The following GPR148 variants were observed in gnomAD, a reference collection of about 807,000 sequenced individuals.
GPR148 encodes G protein-coupled receptor 148.
For synonymous variants in GPR148, 173 were observed against 187.9 expected, an observed-to-expected ratio of 0.92 and a Z score of 0.65; for missense variants, 424 against 435.3, an observed-to-expected ratio of 0.97 and a Z score of 0.23.
rs1558956210 is a variant in GPR148, at chr2:130,729,531, C to G, written c.380C>G (p.Ala127Gly). Residue 127 changes from alanine to glycine, a missense_variant, in exon 1 of 1, where the codon GCT (alanine) becomes GGT (glycine). Physicochemically the swap from Ala to Gly is moderately conservative, Grantham distance 60 (BLOSUM62 0). Coordinates refer to ENST00000309926, the MANE Select transcript of GPR148 (RefSeq NM_207364.2). ...GRMACGILTD[A>G]VFAACTSTIL... ...ATGGCCTGTGGCATTCTCACTGATG[C>G]TGTCTTCGCCGCCTGCACCAGCACC... is the stretch of plus-strand genomic sequence containing the variant. The G allele has an allele frequency of 6.2e-7, 1 of 1,614,076 alleles. No homozygotes were observed. The highest frequency in any genetic ancestry group is 1.3e-5 in the African/African-American group (1 of 74,962).
At position 130,729,499 on chromosome 2, in the gene GPR148, G is replaced by C; in HGVS notation, c.348G>C (p.Leu116=). The part of the protein sequence containing the change: ...ISSSSLGGWE[L]GRMACGILTD... ...CCAGCAGCCTGGGTGGCTGGGAGCTGGGCCGCATGGCCTGTGGCATTCTCA... is the reference window on the plus strand; with the variant it reads ...CCAGCAGCCTGGGTGGCTGGGAGCTCGGCCGCATGGCCTGTGGCATTCTCA... The change falls in exon 1 of 1, where the codon CTG becomes CTC. Residue 116 remains leucine (L), a synonymous_variant. Transcript: ENST00000309926. 1 of 1,614,218 alleles carries C rather than the reference G, an allele frequency of 6.2e-7. No individual in the cohort carries two copies. Among genetic ancestry groups the C allele is most frequent in the Non-Finnish European group, 8.5e-7 (1 of 1,180,016 alleles).
Position 130,729,512 on chromosome 2 carries a change from T to C in GPR148, c.361T>C (p.Cys121Arg), listed in dbSNP as rs769125234. ...TGGCTGGGAGCTGGGCCGCATGGCC[T>C]GTGGCATTCTCACTGATGCTGTCTT... ...LGGWELGRMA[C>R]GILTDAVFAA... Residue 121 changes from cysteine to arginine, a missense_variant, in exon 1 of 1, where the codon TGT becomes CGT. Coordinates refer to ENST00000309926, the MANE Select transcript of GPR148 (RefSeq NM_207364.2). The C allele has an allele frequency of 1.9e-5, 31 of 1,614,212 alleles. No homozygotes were observed. In the East Asian group the frequency reaches 6.5e-4, roughly 34 times the overall value.
Position 130,729,726 on chromosome 2 carries a change from C to A in GPR148, c.575C>A (p.Ala192Asp). The A allele has an allele frequency of 6.2e-7, 1 of 1,614,240 alleles. No individual in the cohort carries two copies. The highest frequency in any genetic ancestry group is 1.3e-5 in the African/African-American group (1 of 75,068). Residue 192 changes from alanine (A) to aspartate (D), a missense_variant, in exon 1 of 1, where the codon GCC (alanine) becomes GAC (aspartate). By Grantham distance (126) the Ala-to-Asp change is moderately radical. Transcript: ENST00000309926. ...FLIWLSKWQD[A>D]QLEEQGASYI... ...ATTTGGCTCAGCAAGTGGCAGGATG[C>A]CCAGCTGGAGGAGCAAGGAGCTTCA... is the stretch of plus-strand genomic sequence containing the variant.
At position 130,730,169 on chromosome 2, in the gene GPR148, C is replaced by T. The variant is rs1459512579; in HGVS notation, c.1018C>T (p.His340Tyr). 6.2e-7 allele frequency: 1 copy of T among 1,612,860 alleles called. No homozygotes were observed. Residue 340 changes from histidine to tyrosine, a missense_variant, in exon 1 of 1, where the codon CAC (histidine) becomes TAC (tyrosine). Physicochemically the swap from His to Tyr is moderately conservative, Grantham distance 83 (BLOSUM62 2). Coordinates refer to ENST00000309926, the MANE Select transcript of GPR148 (RefSeq NM_207364.2). ...CCGGGGCCACCTCCCATCCAGGAGG[C>T]ACCAGGCCATCTTTACCATTTCCTA... ...MVRGHLPSRR[H>Y]QAIFTIS is the part of the protein sequence containing the mutation.
Position 130,729,681 on chromosome 2 carries a change from G to A in GPR148, c.530G>A (p.Cys177Tyr). The change falls in exon 1 of 1, where the codon TGC (cysteine) becomes TAC (tyrosine). Residue 177 changes from cysteine (C) to tyrosine (Y), a missense_variant. Coordinates refer to ENST00000309926, the MANE Select transcript of GPR148 (RefSeq NM_207364.2). ...GTGGCCCTCATCTGGCTGGTGGCCT[G>A]CTGCTTCCCCACATTCCTTATTTGG... Reference protein sequence around the residue: ...KAVALIWLVACCFPTFLIWLS... With the variant: ...KAVALIWLVAYCFPTFLIWLS... The A allele has an allele frequency of 6.2e-7, 1 of 1,614,266 alleles. No individual in the cohort carries two copies. Among genetic ancestry groups the A allele is most frequent in the Non-Finnish European group, 8.5e-7 (1 of 1,180,048 alleles).
chr2:130,729,748 T>C lies in GPR148; in HGVS notation c.597T>C (p.Ala199=), dbSNP rs751744051. 1.2e-6 allele frequency: 2 copies of C among 1,614,244 alleles called. No individual in the cohort carries two copies. The highest frequency in any genetic ancestry group is 1.7e-5 in the Admixed American group (1 of 60,028). Residue 199 remains alanine (A), a synonymous_variant, in exon 1 of 1, where the codon GCT becomes GCC. Transcript: ENST00000309926. ...ATGCCCAGCTGGAGGAGCAAGGAGC[T>C]TCATACATCCTACCACCAAGCATGG... ...WQDAQLEEQG[A]SYILPPSMGT...
Position 130,730,121 on chromosome 2 carries a change from T to A in GPR148, c.970T>A (p.Tyr324Asn). Residue 324 changes from tyrosine to asparagine, a missense_variant, in exon 1 of 1, where the codon TAC becomes AAC. Physicochemically the swap from Tyr to Asn is moderately radical, Grantham distance 143. Transcript: ENST00000309926. ...AMLTYLYLLR[Y>N]RQLLGMVRGH... The stretch of plus-strand genomic sequence containing the variant: ...GCTCACATACCTGTACCTGCTCCGC[T>A]ACCGGCAGCTGTTGGGCATGGTCCG... 1 of 1,613,538 alleles carries A rather than the reference T, an allele frequency of 6.2e-7. No individual in the cohort carries two copies. The highest frequency in any genetic ancestry group is 1.1e-5 in the South Asian group (1 of 90,928).
Position 130,730,265 on chromosome 2 carries a change from T to C in GPR148, c.*70T>C, listed in dbSNP as rs1688459893. 3.9e-6 allele frequency: 5 copies of C among 1,274,770 alleles called. No individual in the cohort carries two copies. The highest frequency in any genetic ancestry group is 2.5e-5 in the East Asian group (1 of 39,742). 79.0% of individuals were successfully genotyped at this position (1,274,770 alleles called of 1,614,324 possible). A position where few individuals can be genotyped will look rare whatever the true frequency, so the allele number is the denominator to read the frequency against. On this transcript the variant is annotated 3_prime_UTR_variant, in exon 1 of 1. Coordinates refer to ENST00000309926, the MANE Select transcript of GPR148 (RefSeq NM_207364.2). Reference sequence around the variant, plus strand: ...TGTTGAATGCAGCAGTGTCCACTTATGACTAACTTCTTAGAACAGCACAAT... The same window carrying C: ...TGTTGAATGCAGCAGTGTCCACTTACGACTAACTTCTTAGAACAGCACAAT...
Position 130,729,747 on chromosome 2 carries a change from C to A in GPR148, c.596C>A (p.Ala199Asp). 6.2e-7 allele frequency: 1 copy of A among 1,614,254 alleles called. No homozygotes were observed. Residue 199 changes from alanine to aspartate, a missense_variant, in exon 1 of 1, where the codon GCT becomes GAT. Transcript: ENST00000309926. The stretch of plus-strand genomic sequence containing the variant: ...GATGCCCAGCTGGAGGAGCAAGGAG[C>A]TTCATACATCCTACCACCAAGCATG... ...WQDAQLEEQGASYILPPSMGT... is the reference protein window; with the variant it reads ...WQDAQLEEQGDSYILPPSMGT...
Position 130,729,927 on chromosome 2 carries a change from C to T in GPR148, c.776C>T (p.Ala259Val), listed in dbSNP as rs1429303554. 2 of 1,573,898 alleles carry T rather than the reference C, an allele frequency of 1.3e-6. No homozygotes were observed. The highest frequency in any genetic ancestry group is 2.2e-5 in the East Asian group (1 of 44,616). Residue 259 changes from alanine (A) to valine (V), a missense_variant, in exon 1 of 1, where the codon GCC (alanine) becomes GTC (valine). Coordinates refer to ENST00000309926, the MANE Select transcript of GPR148 (RefSeq NM_207364.2). ...ATCTGGGGGCAGGGCTATTCCCGGGCCAGGGGCACCCTGCTGATCCACTCA... is the reference window on the plus strand; with the variant it reads ...ATCTGGGGGCAGGGCTATTCCCGGGTCAGGGGCACCCTGCTGATCCACTCA... ...SGIWGQGYSRARGTLLIHSVL... is the reference protein window; with the variant it reads ...SGIWGQGYSRVRGTLLIHSVL...
In GPR148 at chr2:130,730,325, A is replaced by G. The variant is rs1036174729; in HGVS notation, c.*130A>G. 2.8e-4 allele frequency: 194 copies of G among 696,120 alleles called. No homozygotes were observed. Among genetic ancestry groups the G allele is most frequent in the Non-Finnish European group, 1.7e-4 (70 of 423,512 alleles). 43.1% of individuals were successfully genotyped at this position (696,120 alleles called of 1,614,324 possible). A position where few individuals can be genotyped will look rare whatever the true frequency, so the allele number is the denominator to read the frequency against. ...GAATTGGGCCTTTCAGAAGACCTCA[A>G]CTGATGATTTTCACCATTTTGACAG... On this transcript the variant is annotated 3_prime_UTR_variant, in exon 1 of 1. Coordinates refer to ENST00000309926, the MANE Select transcript of GPR148 (RefSeq NM_207364.2).
chr2:130,729,641 GCTGCCTGGAAGGCAGTGGCCCTCAT>G, the GPR148 span: 3 of 1,614,192 alleles, frequency 1.9e-6, no homozygotes, highest in Non-Finnish European at 2.5e-6. Context: ...GTCCCATGGG[GCTGCCTGGAAGGCAGTGGCCCTCAT>G]CTGGCTGGTG....
At position 130,729,501 on chromosome 2, in the gene GPR148, G is replaced by C. The variant is rs1688442740; in HGVS notation, c.350G>C (p.Gly117Ala). Residue 117 changes from glycine to alanine, a missense_variant, in exon 1 of 1, where the codon GGC becomes GCC. Transcript: ENST00000309926. Reference sequence around the variant, plus strand: ...AGCAGCCTGGGTGGCTGGGAGCTGGGCCGCATGGCCTGTGGCATTCTCACT... The same window carrying C: ...AGCAGCCTGGGTGGCTGGGAGCTGGCCCGCATGGCCTGTGGCATTCTCACT... ...SSSSLGGWELGRMACGILTDA... is the reference protein window; with the variant it reads ...SSSSLGGWELARMACGILTDA... 1 of 1,614,204 alleles carries C rather than the reference G, an allele frequency of 6.2e-7. No individual in the cohort carries two copies.
rs747584101 is a variant in GPR148 at position 130,729,588 on chromosome 2, C to G, written c.437C>G (p.Thr146Ser). Residue 146 changes from threonine to serine, a missense_variant, in exon 1 of 1, where the codon ACC (threonine) becomes AGC (serine). By Grantham distance (58) the Thr-to-Ser change is moderately conservative. Transcript: ENST00000309926. The part of the protein sequence containing the change: ...ILSFTAIVLH[T>S]YLAVIHPLRY... ...TCCTTCACCGCCATTGTGCTGCACA[C>G]CTACCTGGCAGTCATCCATCCACTG... The G allele has an allele frequency of 6.2e-7, 1 of 1,614,218 alleles. No individual in the cohort carries two copies. The highest frequency in any genetic ancestry group is 8.5e-7 in the Non-Finnish European group (1 of 1,180,008).
chr2:130,729,333 C>G lies in GPR148; in HGVS notation c.182C>G (p.Ala61Gly). The G allele has an allele frequency of 6.2e-7, 1 of 1,613,792 alleles. No individual in the cohort carries two copies. Among genetic ancestry groups the G allele is most frequent in the Non-Finnish European group, 8.5e-7 (1 of 1,179,798 alleles). ...TTCCTTCCCTCAAGCCTGCTGGCTG[C>G]AGCCACACTGGCTGTCAGCCCCCTG... ...WLFLPSSLLA[A>G]ATLAVSPLLL... Residue 61 changes from alanine (A) to glycine (G), a missense_variant, in exon 1 of 1, where the codon GCA (alanine) becomes GGA (glycine). Physicochemically the swap from Ala to Gly is moderately conservative, Grantham distance 60. Coordinates refer to ENST00000309926, the MANE Select transcript of GPR148 (RefSeq NM_207364.2).
In GPR148 at chr2:130,730,247, T is replaced by C; in HGVS notation, c.*52T>C. On this transcript the variant is annotated 3_prime_UTR_variant, in exon 1 of 1. Transcript: ENST00000309926. The stretch of plus-strand genomic sequence containing the variant: ...CTGAGGTTAAAAATCATATGTTGAA[T>C]GCAGCAGTGTCCACTTATGACTAAC... 7.0e-7 allele frequency: 1 copy of C among 1,433,000 alleles called. No individual in the cohort carries two copies. The highest frequency in any genetic ancestry group is 9.6e-7 in the Non-Finnish European group (1 of 1,043,268). The allele number at this position is 1,433,000 out of a possible 1,614,324, so 88.8% of individuals were successfully genotyped here. A position where few individuals can be genotyped will look rare whatever the true frequency, so the allele number is the denominator to read the frequency against.
At position 130,729,924 on chromosome 2, in the gene GPR148, G is replaced by T. The variant is rs113110453; in HGVS notation, c.773G>T (p.Arg258Leu). The T allele has an allele frequency of 6.3e-7, 1 of 1,575,454 alleles. No individual in the cohort carries two copies. Among genetic ancestry groups the T allele is most frequent in the African/African-American group, 1.3e-5 (1 of 74,280 alleles). ...GGCATCTGGGGGCAGGGCTATTCCC[G>T]GGCCAGGGGCACCCTGCTGATCCAC... is the stretch of plus-strand genomic sequence containing the variant. ...TSGIWGQGYS[R>L]ARGTLLIHSV... Residue 258 changes from arginine to leucine, a missense_variant, in exon 1 of 1, where the codon CGG becomes CTG. Physicochemically the swap from Arg to Leu is moderately radical, Grantham distance 102. Coordinates refer to ENST00000309926, the MANE Select transcript of GPR148 (RefSeq NM_207364.2).
Position 130,730,117 on chromosome 2 carries a change from C to T in GPR148, c.966C>T (p.Leu322=). Residue 322 remains leucine (L), a synonymous_variant, in exon 1 of 1, where the codon CTC becomes CTT. Coordinates refer to ENST00000309926, the MANE Select transcript of GPR148 (RefSeq NM_207364.2). ...PRAMLTYLYL[L]RYRQLLGMVR... is the part of the protein sequence containing the mutation. ...CCATGCTCACATACCTGTACCTGCT[C>T]CGCTACCGGCAGCTGTTGGGCATGG... The T allele has an allele frequency of 4.3e-6, 7 of 1,613,308 alleles. No individual in the cohort carries two copies. Among genetic ancestry groups the T allele is most frequent in the Non-Finnish European group, 5.9e-6 (7 of 1,179,776 alleles).
At position 130,729,661 on chromosome 2, in the gene GPR148, C is replaced by T; in HGVS notation, c.510C>T (p.Ala170=). The part of the protein sequence containing the change: ...MSHGAAWKAV[A]LIWLVACCFP... ...ATGGGGCTGCCTGGAAGGCAGTGGC[C>T]CTCATCTGGCTGGTGGCCTGCTGCT... Residue 170 remains alanine, a synonymous_variant, in exon 1 of 1, where the codon GCC becomes GCT. Transcript: ENST00000309926. The T allele has an allele frequency of 6.2e-7, 1 of 1,614,258 alleles. No individual in the cohort carries two copies. The highest frequency in any genetic ancestry group is 8.5e-7 in the Non-Finnish European group (1 of 1,180,034).
Sources: gnomAD v4.1 joint callset for allele counts on GRCh38, gnomAD v4.1.1 for gene constraint, MANE v1.5 for transcripts, NCBI Gene and HGNC (gene_info 2026-07-23, HGNC 2026-07-21) for gene names.